CACNA1C: variants seen among roughly 807,000 people sequenced by gnomAD.
CACNA1C encodes the protein calcium voltage-gated channel subunit alpha1 C, also known as voltage-dependent L-type calcium channel subunit alpha-1C.
Under a neutral mutation model 229.0 loss-of-function variants are expected in CACNA1C, and 30 were observed. The observed-to-expected ratio is 0.13, with a 90% CI of 0.10 to 0.18. CACNA1C has a LOEUF of 0.18. CACNA1C is among the 10% of genes least tolerant of loss of function. The pLI is 1.00. For missense variants in CACNA1C, 1,658 were observed against 2,845.0 expected (o/e 0.58, Z 9.49); for synonymous variants, 1,114 against 1,132.5 (o/e 0.98, Z 0.33).
chr12:2,376,592 T>G (rs551052773), intron 3 of CACNA1C, among the ~76,000 whole-genome samples: 3 of 152,264 alleles, frequency 2.0e-5, no homozygotes, highest in Middle Eastern at 3.4e-3. Flanking sequence ...TTTGCTTGCT[T>G]CCCAAGGATT....
At chr12:2,495,584 C>G (rs1255616165) in intron 7 of CACNA1C, among the ~76,000 whole-genome samples, 6 of 152,262 alleles carry the variant, frequency 3.9e-5, no homozygotes, top group African/African-American at 1.2e-4. Flanking sequence ...GTCATAATGA[C>G]AGCCGGGGCG....
At chr12:2,572,857 CCTCCTCCTCCTT>C (rs1195752523) in intron 13 of CACNA1C, among the ~76,000 whole-genome samples, 55 of 120,386 alleles carry the variant, frequency 4.6e-4, no homozygotes, top group South Asian at 1.9e-3. Context: ...TCCTCTTCCT[CCTCCTCCTCCTT>C]CTCTTCTTCT....
intron 3 of CACNA1C, among the ~76,000 whole-genome samples, chr12:2,129,043 TAGCCAGAC>T (rs2091338386): frequency 6.6e-6 from 1 of 152,216 alleles, no homozygotes; most frequent in South Asian, 2.1e-4. Flanking sequence ...GTCCCTGGAC[TAGCCAGAC>T]AGCACATCAC....
At chr12:2,016,555 G>C (rs545787969) in intron 1 of CACNA1C, among the ~76,000 whole-genome samples, 1 of 151,948 alleles carries the variant, frequency 6.6e-6, no homozygotes, top group African/African-American at 2.4e-5. Context: ...TCAGCCTCTC[G>C]AGTAGTTGGG....
At chr12:2,565,063 G>A (rs1443522943) in intron 11 of CACNA1C, among the ~76,000 whole-genome samples, 1 of 151,338 alleles carries the variant, frequency 6.6e-6, no homozygotes, top group Non-Finnish European at 1.5e-5. Context: ...TCTGTATCAG[G>A]AAAATGAAAA....
intron 38 of CACNA1C, among the ~76,000 whole-genome samples, chr12:2,673,465 T>TAAA (rs527320564): frequency 4.0e-5 from 4 of 100,728 alleles, no homozygotes; most frequent in Admixed American, 1.1e-4. Context: ...AACTTCCGTC[T>TAAA]AAAAAAAAAA....
chr12:2,221,368 G>C (rs904882264), intron 3 of CACNA1C, among the ~76,000 whole-genome samples: 1 of 152,208 alleles, frequency 6.6e-6, no homozygotes, highest in African/African-American at 2.4e-5. Context: ...TTGGGTAGGA[G>C]AATAGAGGCT....
chr12:2,239,247 G>T lies in CACNA1C; in HGVS notation c.477+118817G>T, dbSNP rs535518991. Among the ~76,000 whole-genome samples, 274 of 152,246 alleles carry T rather than the reference G, an allele frequency of 1.8e-3. 1 individual carries two copies. Among genetic ancestry groups the T allele is most frequent in the African/African-American group, 6.1e-3 (253 of 41,570 alleles). ...GGAGAAGTTGCCTCCAGAGCACTCC[G>T]GTTTGGTCCCCTCCATCAGGGCCCA... is the stretch of plus-strand genomic sequence containing the variant. On this transcript the variant is annotated intron_variant, in intron 3 of 46. Coordinates refer to ENST00000399655, the MANE Select transcript of CACNA1C (RefSeq NM_000719.7).
intron 21 of CACNA1C, among the ~76,000 whole-genome samples, chr12:2,600,389 T>G (rs750373452): frequency 6.6e-6 from 1 of 152,248 alleles, no homozygotes; most frequent in Non-Finnish European, 1.5e-5. Context: ...AGAGCTATTT[T>G]TGCCCATTTC....
chr12:2,314,471 C>A (rs536113678), intron 3 of CACNA1C, among the ~76,000 whole-genome samples: 1 of 152,222 alleles, frequency 6.6e-6, no homozygotes, highest in Admixed American at 6.5e-5. Context: ...AGACACAGAA[C>A]GTTACTCACA....
intron 3 of CACNA1C, among the ~76,000 whole-genome samples, chr12:2,364,001 G>A (rs1186297163): frequency 6.6e-6 from 1 of 152,200 alleles, no homozygotes; most frequent in Non-Finnish European, 1.5e-5. Context: ...AGCCCTTAGA[G>A]CTTTGAGTGC....
chr12:1,998,814 G>T (rs1329328417), intron 1 of CACNA1C, among the ~76,000 whole-genome samples: 4 of 152,150 alleles, frequency 2.6e-5, no homozygotes, highest in Non-Finnish European at 5.9e-5. Context: ...AATTTAAAAT[G>T]TACTTTTGCA....
chr12:2,246,717 C>T (rs1271084850), intron 3 of CACNA1C, among the ~76,000 whole-genome samples: 1 of 152,176 alleles, frequency 6.6e-6, no homozygotes, highest in Non-Finnish European at 1.5e-5. Context: ...CTGTCCTAAC[C>T]TGTTCTTTTA....
Position 2,585,879 on chromosome 12 carries a change from C to G in CACNA1C, c.2505C>G (p.Ser835Arg). 1 of 1,605,750 alleles carries G rather than the reference C, an allele frequency of 6.2e-7. No individual in the cohort carries two copies. The highest frequency in any genetic ancestry group is 2.2e-5 in the East Asian group (1 of 44,628). ...AGCCCAATGAAAATGAGGATAAGAG[C>G]CCCTACCCCAACCCAGAAACTACAG... ...DLQPNENEDK[S>R]PYPNPETTGE... is the part of the protein sequence containing the mutation. The change falls in exon 18 of 47, where the codon AGC (serine) becomes AGG (arginine). Residue 835 changes from serine (S) to arginine (R), a missense_variant. Coordinates refer to ENST00000399655, the MANE Select transcript of CACNA1C (RefSeq NM_000719.7). The surrounding 1 kb of genome is among the most constrained non-coding windows in gnomAD (Gnocchi z 4.1).
In CACNA1C at chr12:2,258,577, C is replaced by T. The variant is rs186704552; in HGVS notation, c.477+138147C>T. On this transcript the variant is annotated intron_variant, in intron 3 of 46. Transcript: ENST00000399655. ...CTGAGGTCCATAAAAACCAATTTTC[C>T]GAGCCCATAAGGCTCCTCAGTGGGG... 6.8e-4 allele frequency among the ~76,000 whole-genome samples: 103 copies of T among 152,284 alleles called. 1 individual carries two copies. Among genetic ancestry groups the T allele is most frequent in the African/African-American group, 2.4e-3 (100 of 41,546 alleles).
intron 3 of CACNA1C, among the ~76,000 whole-genome samples, chr12:2,409,870 G>A (rs1305822877): frequency 6.6e-6 from 1 of 152,222 alleles, no homozygotes; most frequent in African/African-American, 2.4e-5. Flanking sequence ...CAGGTGTGAT[G>A]TACACAGTCC....
At chr12:2,233,757 A>G (rs1298126015) in intron 3 of CACNA1C, among the ~76,000 whole-genome samples, 1 of 151,918 alleles carries the variant, frequency 6.6e-6, no homozygotes, top group Non-Finnish European at 1.5e-5. Context: ...TCTAACCAAT[A>G]CTCTCTGGTC....
intron 3 of CACNA1C, among the ~76,000 whole-genome samples, chr12:2,193,304 AATT>A: frequency 6.6e-6 from 1 of 152,114 alleles, no homozygotes; most frequent in Non-Finnish European, 1.5e-5. Context: ...AAAGTACAAA[AATT>A]AGCCAGACCT....
intron 10 of CACNA1C, among the ~76,000 whole-genome samples, chr12:2,553,638 G>A (rs1391731297): frequency 6.6e-6 from 1 of 152,258 alleles, no homozygotes; most frequent in Non-Finnish European, 1.5e-5. Context: ...AGAGACAGCG[G>A]CGTGTCCCAG....
Sources: gnomAD v4.1 joint callset for allele counts (sites outside exome capture counted in the v4.1 genomes callset) on GRCh38, gnomAD v4.1.1 for gene constraint, Gnocchi (gnomAD v3.1) non-coding constraint, MANE v1.5 for transcripts, NCBI Gene and HGNC (gene_info 2026-07-23, HGNC 2026-07-21) for gene names.